The following KRT34 variants were observed in gnomAD, a reference collection of about 807,000 sequenced individuals.
The protein encoded by KRT34 is keratin, type I cuticular Ha4.
A neutral mutation model predicts 41.7 loss-of-function variants in KRT34; 31 were observed. The observed-to-expected ratio is 0.74, with a 90% CI of 0.56 to 1.00. KRT34 has a LOEUF of 1.00. Ranked by LOEUF, KRT34 falls within the 50% of genes least tolerant of loss-of-function variation. KRT34 has a pLI of 0.00. For missense variants in KRT34, 523 were observed against 500.3 expected (o/e 1.05, Z -0.43); for synonymous variants, 224 against 212.9 (o/e 1.05, Z -0.45).
Position 41,382,205 on chromosome 17 carries a change from G to A in KRT34, c.42C>T (p.Thr14=), listed in dbSNP as rs1307639977. ...GCACGCAGGGCCGGGAGGAGCAGCT[G>A]GTGCGGCAGCCCAGGCTGGGCAGGC... ...SCCLPSLGCR[T]SCSSRPCVPP... The change falls in exon 1 of 7, where the codon ACC becomes ACT. Residue 14 remains threonine (T), a synonymous_variant. Coordinates refer to ENST00000394001, the MANE Select transcript of KRT34 (RefSeq NM_001386014.1). 6.2e-7 allele frequency: 1 copy of A among 1,612,488 alleles called. No individual in the cohort carries two copies. The highest frequency in any genetic ancestry group is 1.7e-5 in the Admixed American group (1 of 60,032).
Position 41,378,940 on chromosome 17 carries a change from T to C in KRT34, c.1097+16A>G, listed in dbSNP as rs916008571. On this transcript the variant is annotated intron_variant, in intron 6 of 6. Coordinates refer to ENST00000394001, the MANE Select transcript of KRT34 (RefSeq NM_001386014.1). ...CTGTACACATTCTTCCCAGACATTA[T>C]TTGCCCCATACTCACTTGCAGTCCT... 1.9e-6 allele frequency: 3 copies of C among 1,613,854 alleles called. No homozygotes were observed. Among genetic ancestry groups the C allele is most frequent in the Non-Finnish European group, 2.5e-6 (3 of 1,179,840 alleles).
At position 41,378,266 on chromosome 17, in the gene KRT34, TTTTTGTTTTG is replaced by T. The variant is rs1382396647; in HGVS notation, c.1098-130_1098-121del. On this transcript the variant is annotated intron_variant, in intron 6 of 6. Coordinates refer to ENST00000394001, the MANE Select transcript of KRT34 (RefSeq NM_001386014.1). ...GCTGGAGTTAGTTGGAATCAAGTTCTTTTTGTTTTGTTTTGTTTTGTTTTTGAGACAGGGT... is the reference window on the plus strand; with the variant it reads ...GCTGGAGTTAGTTGGAATCAAGTTCTTTTTGTTTTGTTTTTGAGACAGGGT... 21 of 737,010 alleles carry T rather than the reference TTTTTGTTTTG, an allele frequency of 2.8e-5. No individual in the cohort carries two copies. In the East Asian group the frequency reaches 5.4e-4, roughly 19 times the overall value. The allele number at this position is 737,010 out of a possible 1,614,324, so 45.7% of individuals were successfully genotyped here.
rs1166649331 is a variant in KRT34, at chr17:41,378,151, G to A, written c.1098-5C>T. ...GCGCATGGGTTGCAGGGGAGCCTAGGAGGACAAGGAGGTTTAGAATGGCTT... is the reference window on the plus strand; with the variant it reads ...GCGCATGGGTTGCAGGGGAGCCTAGAAGGACAAGGAGGTTTAGAATGGCTT... On this transcript the variant is annotated splice_region_variant and splice_polypyrimidine_tract_variant and intron_variant, in intron 6 of 6. Transcript: ENST00000394001. 1 of 1,607,156 alleles carries A rather than the reference G, an allele frequency of 6.2e-7. No individual in the cohort carries two copies. The highest frequency in any genetic ancestry group is 1.3e-5 in the African/African-American group (1 of 74,800).
At chr17:41,381,033 G>GC (rs762116710) in intron 3 of KRT34, 23 bp downstream of exon 3, 2 of 1,612,472 alleles carry the variant, frequency 1.2e-6, no homozygotes, top group Non-Finnish European at 1.7e-6. Flanking sequence ...TCTGAGGCCT[G>GC]CTTTTGTGAA....
rs1370901305 is a variant in KRT34, at chr17:41,378,156, C to A, written c.1098-10G>T. 6.2e-7 allele frequency: 1 copy of A among 1,605,844 alleles called. No individual in the cohort carries two copies. On this transcript the variant is annotated splice_polypyrimidine_tract_variant and intron_variant, in intron 6 of 6. Transcript: ENST00000394001. The stretch of plus-strand genomic sequence containing the variant: ...TGGGTTGCAGGGGAGCCTAGGAGGA[C>A]AAGGAGGTTTAGAATGGCTTTAGGA...
rs545607533 is a variant in KRT34 at position 41,379,583 on chromosome 17, C to A, written c.737G>T (p.Trp246Leu). The change falls in exon 4 of 7, where the codon TGG becomes TTG. Residue 246 changes from tryptophan to leucine, a missense_variant. Coordinates refer to ENST00000394001, the MANE Select transcript of KRT34 (RefSeq NM_001386014.1). ...VEINRREVEQWFATQTEELNK... is the reference protein window; with the variant it reads ...VEINRREVEQLFATQTEELNK... ...TTAGATGCCCACCTGCGTGGCGAACCATTGCTCCACTTCCCTGCGGTTAAT... is the reference window on the plus strand; with the variant it reads ...TTAGATGCCCACCTGCGTGGCGAACAATTGCTCCACTTCCCTGCGGTTAAT... 22 of 1,614,002 alleles carry A rather than the reference C, an allele frequency of 1.4e-5. No homozygotes were observed. The highest frequency in any genetic ancestry group is 4.0e-5 in the African/African-American group (3 of 75,062).
At chr17:41,382,413 T>C, upstream of KRT34, 1 of 1,522,470 alleles carries the variant, frequency 6.6e-7, no homozygotes, top group Non-Finnish European at 9.0e-7. Flanking sequence ...TTCTCCAAAA[T>C]ATGCTAGTTA....
chr17:41,377,770 G>A lies in KRT34; in HGVS notation c.*289C>T, dbSNP rs1408675188. 11 of 394,778 alleles carry A rather than the reference G, an allele frequency of 2.8e-5. No individual in the cohort carries two copies. The highest frequency in any genetic ancestry group is 4.1e-5 in the Non-Finnish European group (9 of 219,048). The allele number at this position is 394,778 out of a possible 1,614,324, so 24.5% of individuals were successfully genotyped here. On this transcript the variant is annotated 3_prime_UTR_variant, in exon 7 of 7. Transcript: ENST00000394001. ...AGGAAAACAGGAAATGCAGTAGTAC[G>A]TTCAGGAAACACCTTAAGTAGTAAC... is the stretch of plus-strand genomic sequence containing the variant.
chr17:41,378,583 A>G (rs1417774350), intron 6 of KRT34, among the ~76,000 whole-genome samples: 1 of 152,240 alleles, frequency 6.6e-6, no homozygotes, highest in Non-Finnish European at 1.5e-5. Context: ...CATTGCACCC[A>G]GCCAGAATCA....
rs1450674291 is a variant in KRT34, at chr17:41,378,032, G to A, written c.*27C>T. 1 of 1,557,254 alleles carries A rather than the reference G, an allele frequency of 6.4e-7. No individual in the cohort carries two copies. The highest frequency in any genetic ancestry group is 1.7e-5 in the Admixed American group (1 of 59,844). The stretch of plus-strand genomic sequence containing the variant: ...TGTGGTTGATCTAAATGGCTTTGTA[G>A]ATGTCTTCAAAGAGGATACAAGCTT... On this transcript the variant is annotated 3_prime_UTR_variant, in exon 7 of 7. Transcript: ENST00000394001.
chr17:41,381,210 T>A lies in KRT34; in HGVS notation c.434A>T (p.Tyr145Phe). The A allele has an allele frequency of 1.2e-6, 2 of 1,612,916 alleles. No homozygotes were observed. The highest frequency in any genetic ancestry group is 8.5e-7 in the Non-Finnish European group (1 of 1,179,340). The change falls in exon 3 of 7, where the codon TAC becomes TTC. Residue 145 changes from tyrosine (Y) to phenylalanine (F), a missense_variant and splice_region_variant. Tyr to Phe is a conservative substitution (Grantham distance 22). Coordinates refer to ENST00000394001, the MANE Select transcript of KRT34 (RefSeq NM_001386014.1). Reference sequence around the variant, plus strand: ...CAGCCTCAGGGACTGCTCCGTCTGGTACCTGCACGTGTCGGAGTGGGAGGA... The same window carrying A: ...CAGCCTCAGGGACTGCTCCGTCTGGAACCTGCACGTGTCGGAGTGGGAGGA... The part of the protein sequence containing the change: ...KLASDDFRSK[Y>F]QTEQSLRLLV...
At position 41,379,068 on chromosome 17, in the gene KRT34, G is replaced by T; in HGVS notation, c.985C>A (p.Arg329Ser). 6.2e-7 allele frequency: 1 copy of T among 1,614,154 alleles called. No homozygotes were observed. The highest frequency in any genetic ancestry group is 1.1e-5 in the South Asian group (1 of 91,078). The change falls in exon 6 of 7, where the codon CGC becomes AGC. Residue 329 changes from arginine (R) to serine (S), a missense_variant. By Grantham distance (110) the Arg-to-Ser change is moderately radical. Transcript: ENST00000394001. ...TGGTTCTGCCGCTCCAGGTCACAGC[G>T]GATCTCTGCCAGCTGAGACTCCACG... is the stretch of plus-strand genomic sequence containing the variant. ...TNVESQLAEI[R>S]CDLERQNQEY... is the part of the protein sequence containing the mutation.
intron 5 of KRT34, 70 bp downstream of exon 5, chr17:41,379,283 C>G (rs982203640): frequency 6.8e-6 from 11 of 1,610,902 alleles, no homozygotes; most frequent in Non-Finnish European, 9.3e-6. Flanking sequence ...AGTGTGTGGC[C>G]CCAAGCACAT....
rs1364559197 is a variant in KRT34, at chr17:41,381,896, C to T, written c.348+3G>A. On this transcript the variant is annotated splice_donor_region_variant and intron_variant, in intron 1 of 6. Transcript: ENST00000394001. The stretch of plus-strand genomic sequence containing the variant: ...TGGCCCCCCATATGGCCAACCCCCT[C>T]ACCTTCTGCTGGAGCTCCTCAATGG... The T allele has an allele frequency of 1.2e-6, 2 of 1,613,826 alleles. No individual in the cohort carries two copies. The highest frequency in any genetic ancestry group is 2.2e-5 in the South Asian group (2 of 91,082).
At chr17:41,382,436 G>T (rs371267616), upstream of KRT34, 17 of 1,336,448 alleles carry the variant, frequency 1.3e-5, 1 homozygote, top group South Asian at 1.3e-4. Flanking sequence ...TGCTTCTAAA[G>T]AGTCCCCCCT....
In KRT34 at chr17:41,381,961, C is replaced by T. The variant is rs1437522947; in HGVS notation, c.286G>A (p.Glu96Lys). 6.8e-6 allele frequency: 11 copies of T among 1,614,268 alleles called. No individual in the cohort carries two copies. Among genetic ancestry groups the T allele is most frequent in the Non-Finnish European group, 9.3e-6 (11 of 1,180,048 alleles). Residue 96 changes from glutamate (E) to lysine (K), a missense_variant, in exon 1 of 7, where the codon GAG becomes AAG. Transcript: ENST00000394001. ...TGGTAGCTGGGGCACAGCAAGGGCT[C>T]CTGCTGCTGGGACCGCTCCTGGATG... Reference protein sequence around the residue: ...KLIQERSQQQEPLLCPSYQSY... With the variant: ...KLIQERSQQQKPLLCPSYQSY...
chr17:41,381,659 T>C, intron 2 of KRT34, 54 bp downstream of exon 2: 2 of 1,452,464 alleles, frequency 1.4e-6, no homozygotes, highest in South Asian at 1.2e-5. Flanking sequence ...TTCCAGGCAA[T>C]AGTAGGTCCC....
In KRT34 at chr17:41,381,086, C is replaced by T. The variant is rs145004450; in HGVS notation, c.558G>A (p.Glu186=). ...CATGGTTCTTCTTCAAGCAGATCAG[C>T]TCCTCCCTCAGGGACTCCACCTGGG... The part of the protein sequence containing the change: ...LESQVESLRE[E]LICLKKNHEE... Residue 186 remains glutamate (E), a synonymous_variant, in exon 3 of 7, where the codon GAG becomes GAA. Transcript: ENST00000394001. The T allele has an allele frequency of 1.2e-6, 2 of 1,614,050 alleles. No homozygotes were observed. The highest frequency in any genetic ancestry group is 1.3e-5 in the African/African-American group (1 of 74,914).
chr17:41,380,963 G>A (rs1395384564), intron 3 of KRT34, 93 bp downstream of exon 3: 28 of 1,253,110 alleles, frequency 2.2e-5, no homozygotes, highest in Non-Finnish European at 2.6e-5. Flanking sequence ...TCAGAGAAGG[G>A]TCCCAGACCA....
Sources: gnomAD v4.1 joint callset for allele counts (sites outside exome capture counted in the v4.1 genomes callset) on GRCh38, gnomAD v4.1.1 for gene constraint, MANE v1.5 for transcripts, NCBI Gene and HGNC (gene_info 2026-07-23, HGNC 2026-07-21) for gene names.